The following PDZD2 variants were observed in gnomAD, a reference collection of about 807,000 sequenced individuals.
PDZD2 encodes PDZ domain containing 2.
A neutral mutation model predicts 220.7 loss-of-function variants in PDZD2; 90 were observed. The observed-to-expected ratio is 0.41, with a 90% CI of 0.34 to 0.49. The LOEUF (loss-of-function observed/expected upper bound fraction) is 0.49. Ranked by LOEUF, PDZD2 falls within the 20% of genes least tolerant of loss-of-function variation. The probability of loss-of-function intolerance (pLI) is 0.28; values close to 1 mark genes in which losing one functional copy is unlikely to be tolerated. For synonymous variants in PDZD2, 1,375 were observed against 1,450.5 expected, an observed-to-expected ratio of 0.95 and a Z score of 1.18; for missense variants, 3,174 against 3,608.5, an observed-to-expected ratio of 0.88 and a Z score of 3.08.
chr5:31,658,522 C>T (rs1745638551), intron 1 of PDZD2, among the ~76,000 whole-genome samples: 2 of 152,154 alleles, frequency 1.3e-5, no homozygotes, highest in South Asian at 2.1e-4. Flanking sequence ...GTTTCCTCTC[C>T]ACCATGTTTA....
At chr5:31,887,480 G>A (rs1031176601) in intron 2 of PDZD2, among the ~76,000 whole-genome samples, 3 of 152,154 alleles carry the variant, frequency 2.0e-5, no homozygotes, top group African/African-American at 7.2e-5. Flanking sequence ...TTTGCTTTTT[G>A]AGATGGAGAA....
At chr5:31,821,692 A>G (rs1455701061) in intron 2 of PDZD2, among the ~76,000 whole-genome samples, 1 of 151,794 alleles carries the variant, frequency 6.6e-6, no homozygotes, top group Non-Finnish European at 1.5e-5. Flanking sequence ...ATTTTTTTTT[A>G]TTACACTTTA....
At chr5:31,718,694 ATTTTTTT>A (rs34261021) in intron 1 of PDZD2, among the ~76,000 whole-genome samples, 2 of 74,648 alleles carry the variant, frequency 2.7e-5, no homozygotes, top group African/African-American at 1.1e-4. Flanking sequence ...TAACAGCCTC[ATTTTTTT>A]TTTTTTTTTT....
intron 14 of PDZD2, among the ~76,000 whole-genome samples, chr5:32,069,137 G>A (rs901182293): frequency 3.3e-5 from 5 of 151,732 alleles, no homozygotes; most frequent in East Asian, 1.9e-4. Context: ...GTGGTGGTGC[G>A]CGCCTATAGT....
At chr5:32,001,170 G>T (rs1304821531) in intron 5 of PDZD2, among the ~76,000 whole-genome samples, 2 of 152,178 alleles carry the variant, frequency 1.3e-5, no homozygotes, top group East Asian at 1.9e-4. Flanking sequence ...TGCCAAAAAG[G>T]TCAGGGACTG....
chr5:31,722,463 T>G (rs1748864778), intron 1 of PDZD2, among the ~76,000 whole-genome samples: 1 of 152,176 alleles, frequency 6.6e-6, no homozygotes, highest in South Asian at 2.1e-4. Flanking sequence ...TTCATTTTGT[T>G]TTTATTACAG....
intron 14 of PDZD2, among the ~76,000 whole-genome samples, chr5:32,063,684 G>A (rs1387705677): frequency 6.6e-6 from 1 of 152,116 alleles, no homozygotes; most frequent in Non-Finnish European, 1.5e-5. Flanking sequence ...AACATACCAG[G>A]GATACACAAT....
chr5:31,843,380 C>T (rs1343048869), intron 2 of PDZD2: 1 of 151,984 alleles, frequency 6.6e-6, no homozygotes, highest in African/African-American at 2.4e-5. Flanking sequence ...AGCTCTCTGC[C>T]TCAGCCTCCC....
chr5:32,093,648 A>G (rs1743388734), intron 21 of PDZD2, among the ~76,000 whole-genome samples: 1 of 152,214 alleles, frequency 6.6e-6, no homozygotes, highest in Non-Finnish European at 1.5e-5. Flanking sequence ...GTCTTCTTAC[A>G]ACAACGTAAG....
At chr5:31,855,807 A>T (rs1006127363) in intron 2 of PDZD2, among the ~76,000 whole-genome samples, 1 of 152,240 alleles carries the variant, frequency 6.6e-6, no homozygotes, top group African/African-American at 2.4e-5. Context: ...AAAGATATTT[A>T]AAGATGCAGG....
intron 18 of PDZD2, among the ~76,000 whole-genome samples, chr5:32,075,961 T>C (rs189657182): frequency 6.6e-6 from 1 of 152,322 alleles, no homozygotes; most frequent in Admixed American, 6.5e-5. Flanking sequence ...TTTTAAAATA[T>C]AATGTTTGGC....
intron 2 of PDZD2, among the ~76,000 whole-genome samples, chr5:31,850,245 C>T (rs199869280): frequency 0.14 from 9,413 of 69,322 alleles, 1,298 homozygotes; most frequent in African/African-American, 0.38. Flanking sequence ...TATATATATA[C>T]ACACACACAC....
intron 2 of PDZD2, among the ~76,000 whole-genome samples, chr5:31,981,075 C>G (rs539191076): frequency 9.2e-5 from 14 of 152,242 alleles, no homozygotes; most frequent in African/African-American, 3.4e-4. Context: ...CATGAGCCAC[C>G]GCACCTGGCC....
chr5:32,063,114 G>A (rs958964707), intron 14 of PDZD2, among the ~76,000 whole-genome samples: 3 of 151,278 alleles, frequency 2.0e-5, no homozygotes, highest in Admixed American at 6.6e-5. Context: ...TCGTGATCTC[G>A]GCTCACTGCA....
Position 31,987,714 on chromosome 5 carries a change from A to C in PDZD2, c.978+4058A>C, listed in dbSNP as rs1750826268. 2.0e-5 allele frequency among the ~76,000 whole-genome samples: 3 copies of C among 152,184 alleles called. 1 individual carries two copies. The South Asian group carries it at 6.2e-4, about 32-fold the overall frequency. On this transcript the variant is annotated intron_variant, in intron 3 of 24. Coordinates refer to ENST00000438447, the MANE Select transcript of PDZD2 (RefSeq NM_178140.4). ...ACCGCTGAACCCACTCCAGTGCTCC[A>C]GGTCTCCCCATCCCCAAAGTTTGCC...
chr5:32,074,103 T>C lies in PDZD2; in HGVS notation c.2997T>C (p.Asp999=). 1.2e-6 allele frequency: 2 copies of C among 1,614,218 alleles called. No homozygotes were observed. The highest frequency in any genetic ancestry group is 1.7e-6 in the Non-Finnish European group (2 of 1,180,034). The part of the protein sequence containing the change: ...LPGPIRPLSE[D]DPRRVSISSS... ...GTCCCATCAGGCCTCTGTCAGAGGA[T>C]GACCCGAGGCGTGTCTCAATTTCCT... The change falls in exon 18 of 25, where the codon GAT becomes GAC. Residue 999 remains aspartate (D), a synonymous_variant. Transcript: ENST00000438447.
intron 2 of PDZD2, among the ~76,000 whole-genome samples, chr5:31,962,040 C>G (rs938251125): frequency 5.9e-5 from 9 of 152,182 alleles, no homozygotes; most frequent in African/African-American, 1.4e-4. Context: ...TCAATAGTCT[C>G]TGATTTGGAA....
intron 6 of PDZD2, among the ~76,000 whole-genome samples, chr5:32,014,596 CAG>C (rs1428216711): frequency 3.3e-5 from 5 of 151,950 alleles, no homozygotes; most frequent in African/African-American, 1.2e-4. Context: ...AGTTTGGTCT[CAG>C]AAATATCAAA....
chr5:31,680,211 G>A (rs983520675), intron 1 of PDZD2, among the ~76,000 whole-genome samples: 2 of 152,082 alleles, frequency 1.3e-5, no homozygotes, highest in African/African-American at 4.8e-5. Context: ...CAAGGCCCTC[G>A]GCTGATTGTC....
Sources: allele counts gnomAD v4.1 joint callset (sites outside exome capture counted in the v4.1 genomes callset), GRCh38; gene constraint gnomAD v4.1.1; transcripts MANE v1.5; gene names NCBI Gene and HGNC (gene_info 2026-07-23, HGNC 2026-07-21).